DLG5: variants seen among roughly 807,000 people sequenced by gnomAD.
DLG5 encodes the protein disks large homolog 5.
In DLG5, 48 loss-of-function variants were observed where a neutral mutation model predicts 189.8. The observed-to-expected ratio is 0.25, with a 90% CI of 0.20 to 0.32. The LOEUF (loss-of-function observed/expected upper bound fraction) is 0.32. Among genes scored for constraint, DLG5 ranks in the 10% least tolerant of loss-of-function variants. The pLI is 1.00. For synonymous variants in DLG5, 1,016 were observed against 1,054.1 expected (o/e 0.96, Z 0.70); for missense variants, 2,160 against 2,544.7 (o/e 0.85, Z 3.25).
At chr10:77,936,790 C>A in the DLG5 span, among the ~76,000 whole-genome samples, 1 of 152,170 alleles carries the variant, frequency 6.6e-6, no homozygotes, top group East Asian at 1.9e-4. Context: ...TTTGCAGCAA[C>A]CCTGCGAGGC....
chr10:77,811,361 G>A (rs1023972061), intron 22 of DLG5, 127 bp from the exon 23 acceptor site: 4 of 1,182,718 alleles, frequency 3.4e-6, no homozygotes, highest in Non-Finnish European at 1.2e-6. Flanking sequence ...CCTGTGCCCT[G>A]AGCAGAGCAG....
chr10:77,859,328 A>G (rs1204528330), intron 2 of DLG5, among the ~76,000 whole-genome samples: 1 of 152,238 alleles, frequency 6.6e-6, no homozygotes, highest in Non-Finnish European at 1.5e-5. Flanking sequence ...GCCTAAGTGT[A>G]CAGTGTTTAC....
chr10:77,827,567 T>A (rs1488860805), intron 13 of DLG5, among the ~76,000 whole-genome samples: 1 of 152,208 alleles, frequency 6.6e-6, no homozygotes, highest in East Asian at 1.9e-4. Flanking sequence ...TAAATTTGCA[T>A]GTCCTATGAC....
At chr10:77,824,582 C>A in intron 13 of DLG5, 106 bp from the exon 14 acceptor site, 7 of 868,416 alleles carry the variant, frequency 8.1e-6, no homozygotes, top group Non-Finnish European at 1.3e-5. Context: ...TCACCAAATG[C>A]AAGGTGCCAA....
rs761068061 is a variant in DLG5 at position 77,812,204 on chromosome 10, C to T, written c.4188+11G>A. The T allele has an allele frequency of 1.9e-6, 3 of 1,609,200 alleles. No individual in the cohort carries two copies. The highest frequency in any genetic ancestry group is 3.3e-5 in the Admixed American group (2 of 59,922). ...CCATGGGCGCCATGCAGGAGGGCAGCTCCCTCTCACCTCCAGTAACTGATC... is the reference window on the plus strand; with the variant it reads ...CCATGGGCGCCATGCAGGAGGGCAGTTCCCTCTCACCTCCAGTAACTGATC... On this transcript the variant is annotated intron_variant, in intron 21 of 31. Coordinates refer to ENST00000372391, the MANE Select transcript of DLG5 (RefSeq NM_004747.4).
At chr10:77,833,012 G>A (rs995188051) in intron 9 of DLG5, among the ~76,000 whole-genome samples, 1 of 152,150 alleles carries the variant, frequency 6.6e-6, no homozygotes, top group African/African-American at 2.4e-5. Context: ...GCACTTGAGT[G>A]TGCAAGGCTT....
chr10:77,806,718 A>AGGCCCCCCCCCCCC, intron 26 of DLG5, 40 bp downstream of exon 26: 36 of 1,333,584 alleles, frequency 2.7e-5, no homozygotes, highest in Non-Finnish European at 3.2e-5. Context: ...GCCCTCGGCG[A>AGGCCCCCCCCCCCC]CCCCTGCCCC....
intron 22 of DLG5, 81 bp downstream of exon 22, chr10:77,811,843 G>A (rs922709676): frequency 8.8e-6 from 13 of 1,478,426 alleles, no homozygotes; most frequent in African/African-American, 1.4e-5. Context: ...TGGCACCCTG[G>A]GTCTCCCTAA....
chr10:77,885,944 G>A (rs1214472457), intron 1 of DLG5, among the ~76,000 whole-genome samples: 2 of 152,114 alleles, frequency 1.3e-5, no homozygotes, highest in Non-Finnish European at 2.9e-5. Flanking sequence ...TCCAGCGAAG[G>A]CAAGAGTGCA....
rs1451958340 is a variant in DLG5 at position 77,796,172 on chromosome 10, G to A, written c.5325C>T (p.Ser1775=). ...CRCPLEVMKA[S]QQAIERGVKD... is the part of the protein sequence containing the mutation. ...TGACACCCCGCTCAATGGCCTGCTGGGAGGCCTTCATCACCTCTGCAATGC... is the reference window on the plus strand; with the variant it reads ...TGACACCCCGCTCAATGGCCTGCTGAGAGGCCTTCATCACCTCTGCAATGC... The change falls in exon 29 of 32, where the codon TCC becomes TCT. Residue 1775 remains serine (S), a synonymous_variant. Transcript: ENST00000372391. This position sits in a 1 kb window ranked among gnomAD's most constrained non-coding sequence, Gnocchi z 5.2. The A allele has an allele frequency of 1.9e-6, 3 of 1,614,132 alleles. No individual in the cohort carries two copies. Among genetic ancestry groups the A allele is most frequent in the Non-Finnish European group, 2.5e-6 (3 of 1,180,026 alleles).
intron 1 of DLG5, among the ~76,000 whole-genome samples, chr10:77,918,973 T>G (rs1485309992): frequency 6.6e-6 from 1 of 152,028 alleles, no homozygotes; most frequent in African/African-American, 2.4e-5. Flanking sequence ...CACAGCACTC[T>G]GGGAGGCTGA....
intron 1 of DLG5, among the ~76,000 whole-genome samples, chr10:77,911,594 C>A (rs1456721445): frequency 6.6e-6 from 1 of 152,038 alleles, no homozygotes; most frequent in Non-Finnish European, 1.5e-5. Context: ...ACTCAGGGGT[C>A]ATCTTAGAGC....
chr10:77,909,060 C>G (rs901179771), intron 1 of DLG5, among the ~76,000 whole-genome samples: 1 of 152,206 alleles, frequency 6.6e-6, no homozygotes, highest in Non-Finnish European at 1.5e-5. Flanking sequence ...TGGTAGATAT[C>G]TTTCCATCTT....
intron 18 of DLG5, among the ~76,000 whole-genome samples, chr10:77,817,562 C>G (rs1842122471): frequency 6.6e-6 from 1 of 152,234 alleles, no homozygotes. Context: ...AAGGCCCCCA[C>G]AGAAAGCGGA....
At chr10:77,886,717 C>T (rs1290037483) in intron 1 of DLG5, among the ~76,000 whole-genome samples, 1 of 152,158 alleles carries the variant, frequency 6.6e-6, no homozygotes, top group Non-Finnish European at 1.5e-5. Context: ...AAGCCCTAAC[C>T]CCTTCTGCAG....
chr10:77,930,661 T>G (rs1846778407), upstream of DLG5, among the ~76,000 whole-genome samples: 2 of 151,120 alleles, frequency 1.3e-5, no homozygotes, highest in Admixed American at 1.3e-4. Flanking sequence ...TTTATTTATT[T>G]TATTCATTTA....
chr10:77,807,864 C>T lies in DLG5; in HGVS notation c.4728G>A (p.Leu1576=), dbSNP rs1841556873. The T allele has an allele frequency of 6.2e-7, 1 of 1,614,250 alleles. No homozygotes were observed. Among genetic ancestry groups the T allele is most frequent in the Non-Finnish European group, 8.5e-7 (1 of 1,180,044 alleles). The change falls in exon 25 of 32, where the codon CTG becomes CTA. Residue 1576 remains leucine (L), a synonymous_variant. Transcript: ENST00000372391. ...ACTCCTCAGGGCGGTACTGCACCTT[C>T]AGGCGGACGCCATCCCTGGGCTTCA... ...EMLKPRDGVR[L]KVQYRPEEFT... is the part of the protein sequence containing the mutation.
At position 77,833,975 on chromosome 10, in the gene DLG5, G is replaced by C. The variant is rs780040393; in HGVS notation, c.1687C>G (p.Arg563Gly). The change falls in exon 9 of 32, where the codon CGC (arginine) becomes GGC (glycine). Residue 563 changes from arginine (R) to glycine (G), a missense_variant. Arg to Gly is a moderately radical substitution (Grantham distance 125). This residue lies in a region of DLG5 where 664 missense variants were observed against 838.5 expected (regional missense o/e 0.79). Transcript: ENST00000372391. ...TGCTTGCGGGTGTCATCCAGGCTGC[G>C]CAGGGCCTCAGCCAGCTCGCTCACC... ...RAVSELAEALRSLDDTRKQKN... is the reference protein window; with the variant it reads ...RAVSELAEALGSLDDTRKQKN... 1.2e-6 allele frequency: 2 copies of C among 1,607,780 alleles called. No individual in the cohort carries two copies. The highest frequency in any genetic ancestry group is 4.5e-5 in the East Asian group (2 of 44,828).
At position 77,791,787 on chromosome 10, in the gene DLG5, G is replaced by T. The variant is rs1370256184; in HGVS notation, c.*653C>A. The T allele has an allele frequency of 6.5e-6, 1 of 153,134 alleles. No individual in the cohort carries two copies. The highest frequency in any genetic ancestry group is 1.5e-5 in the Non-Finnish European group (1 of 68,432). 9.5% of individuals were successfully genotyped at this position (153,134 alleles called of 1,614,324 possible). On this transcript the variant is annotated 3_prime_UTR_variant, in exon 32 of 32. Transcript: ENST00000372391. The stretch of plus-strand genomic sequence containing the variant: ...GAGAGAAAGGCCGAGAGACGAGTTT[G>T]TAAGAATGCCAAAGTCACCTTCCCC...
Sources: gnomAD v4.1 joint callset for allele counts (sites outside exome capture counted in the v4.1 genomes callset) on GRCh38, gnomAD v4.1.1 for gene constraint, gnomAD v4.1.1 regional missense constraint, Gnocchi (gnomAD v3.1) non-coding constraint, MANE v1.5 for transcripts, NCBI Gene and HGNC (gene_info 2026-07-23, HGNC 2026-07-21) for gene names.